ERC1: variants seen among roughly 807,000 people sequenced by gnomAD.
ERC1 encodes ELKS/RAB6-interacting/CAST family member 1, also known as RAB6 interacting protein 2.
ERC1 carries 56 observed loss-of-function variants against 132.0 expected under a neutral mutation model. The ratio of observed to expected loss-of-function variants is 0.42; its 90% CI spans 0.34 to 0.53. The LOEUF is 0.53. ERC1 is among the 20% of genes least tolerant of loss of function. The pLI is 0.03. For synonymous variants in ERC1, 478 were observed against 476.1 expected (o/e 1.00, Z -0.05); for missense variants, 1,202 against 1,349.9 (o/e 0.89, Z 1.72).
intron 13 of ERC1, among the ~76,000 whole-genome samples, chr12:1,246,314 G>C (rs954024090): frequency 6.6e-6 from 1 of 150,720 alleles, no homozygotes; most frequent in Non-Finnish European, 1.5e-5. Flanking sequence ...TTTTAAAAAA[G>C]AAATGAAACG....
chr12:1,002,708 T>G (rs938448883), intron 1 of ERC1, among the ~76,000 whole-genome samples: 6 of 152,198 alleles, frequency 3.9e-5, no homozygotes, highest in Admixed American at 1.3e-4. Context: ...TTATTAACTT[T>G]AGCCGTTCTG....
At chr12:1,188,647 A>G (rs1048179981) in intron 11 of ERC1, among the ~76,000 whole-genome samples, 3 of 152,220 alleles carry the variant, frequency 2.0e-5, no homozygotes, top group African/African-American at 7.2e-5. Flanking sequence ...AGCCTTAAAC[A>G]AATGAACTTG....
At chr12:1,080,260 C>T (rs1482893593) in intron 2 of ERC1, among the ~76,000 whole-genome samples, 2 of 152,084 alleles carry the variant, frequency 1.3e-5, no homozygotes, top group African/African-American at 2.4e-5. Flanking sequence ...AACTGTATAC[C>T]CATTAAACAA....
intron 17 of ERC1, chr12:1,410,487 T>A: frequency 9.7e-7 from 1 of 1,030,386 alleles, no homozygotes; most frequent in South Asian, 1.4e-5. Context: ...ATAGAAATGG[T>A]TTTTGTTTGT....
intron 2 of ERC1, among the ~76,000 whole-genome samples, chr12:1,077,224 A>AT (rs948043500): frequency 6.6e-6 from 1 of 151,962 alleles, no homozygotes; most frequent in African/African-American, 2.4e-5. Flanking sequence ...CGTGTCCATA[A>AT]TTTTTTTTCT....
intron 18 of ERC1, among the ~76,000 whole-genome samples, chr12:1,472,820 G>A (rs2093890072): frequency 6.6e-6 from 1 of 152,194 alleles, no homozygotes; most frequent in Non-Finnish European, 1.5e-5. Flanking sequence ...GGCATAAAGT[G>A]TTGTTGATAA....
At chr12:995,932 G>A (rs10849612) in intron 1 of ERC1, among the ~76,000 whole-genome samples, 1 of 151,892 alleles carries the variant, frequency 6.6e-6, no homozygotes, top group African/African-American at 2.4e-5. Flanking sequence ...AGGAGGGAAC[G>A]GTCAGCGGTG....
chr12:1,350,139 G>A (rs2154366178), intron 15 of ERC1, among the ~76,000 whole-genome samples: 1 of 152,290 alleles, frequency 6.6e-6, no homozygotes, highest in Non-Finnish European at 1.5e-5. Flanking sequence ...GGGAAAAACA[G>A]AAAACAATGG....
chr12:993,174 T>A (rs1049951235), intron 1 of ERC1, among the ~76,000 whole-genome samples: 1 of 152,248 alleles, frequency 6.6e-6, no homozygotes, highest in Non-Finnish European at 1.5e-5. Context: ...TGTATTCAGT[T>A]AATTCATTTG....
At chr12:1,068,563 C>G (rs1939734861) in intron 2 of ERC1, among the ~76,000 whole-genome samples, 1 of 122,572 alleles carries the variant, frequency 8.2e-6, no homozygotes, top group Non-Finnish European at 1.9e-5. Flanking sequence ...TTTTATCCCT[C>G]TAACAGTAAA....
chr12:1,127,597 A>T (rs1392153383), intron 7 of ERC1, among the ~76,000 whole-genome samples: 3 of 152,078 alleles, frequency 2.0e-5, no homozygotes, highest in African/African-American at 7.3e-5. Context: ...ACTTGTTACA[A>T]GTAGTGTGTT....
chr12:1,080,774 T>C (rs1269316030), intron 2 of ERC1, among the ~76,000 whole-genome samples: 1 of 152,026 alleles, frequency 6.6e-6, no homozygotes, highest in African/African-American at 2.4e-5. Context: ...GAACTGTAAG[T>C]CCAATTAAAC....
intron 16 of ERC1, among the ~76,000 whole-genome samples, chr12:1,389,949 C>T (rs1341955858): frequency 2.0e-5 from 3 of 152,144 alleles, no homozygotes; most frequent in Non-Finnish European, 4.4e-5. Flanking sequence ...TTAATCTCTC[C>T]ATTTTAAGTT....
At chr12:1,136,877 A>G (rs187205863) in intron 7 of ERC1, among the ~76,000 whole-genome samples, 1 of 152,186 alleles carries the variant, frequency 6.6e-6, no homozygotes, top group Non-Finnish European at 1.5e-5. Context: ...TCAAAAACCA[A>G]TTCAGACATT....
intron 1 of ERC1, among the ~76,000 whole-genome samples, chr12:1,008,434 A>G (rs931793779): frequency 6.6e-6 from 1 of 152,146 alleles, no homozygotes; most frequent in Non-Finnish European, 1.5e-5. Flanking sequence ...TTATTGATCT[A>G]TTTACATAAT....
At chr12:1,038,044 C>G (rs1450508314) in intron 2 of ERC1, among the ~76,000 whole-genome samples, 1 of 114,770 alleles carries the variant, frequency 8.7e-6, no homozygotes, top group East Asian at 2.5e-4. Context: ...GACTCCGTCT[C>G]AAAAAAAAAA....
At chr12:1,185,045 G>T (rs1954919451) in intron 11 of ERC1, among the ~76,000 whole-genome samples, 1 of 152,136 alleles carries the variant, frequency 6.6e-6, no homozygotes. Flanking sequence ...AGAGTAGCTG[G>T]GTTTATAGGC....
At chr12:1,413,830 C>T (rs2091971604) in intron 17 of ERC1, among the ~76,000 whole-genome samples, 1 of 152,238 alleles carries the variant, frequency 6.6e-6, no homozygotes, top group African/African-American at 2.4e-5. Flanking sequence ...TCAGTCAGCT[C>T]AGGCTGCTAT....
chr12:1,227,363 G>A (rs930772821), intron 12 of ERC1, among the ~76,000 whole-genome samples: 2 of 152,090 alleles, frequency 1.3e-5, no homozygotes, highest in African/African-American at 4.8e-5. Flanking sequence ...GTTTTGATTT[G>A]CATCTTCCTG....
Sources: allele counts gnomAD v4.1 joint callset (sites outside exome capture counted in the v4.1 genomes callset), GRCh38; gene constraint gnomAD v4.1.1; transcripts MANE v1.5; gene names NCBI Gene and HGNC (gene_info 2026-07-23, HGNC 2026-07-21).